CTNNA3: variants seen among roughly 807,000 people sequenced by gnomAD.
CTNNA3 encodes catenin alpha-3.
A neutral mutation model predicts 95.7 loss-of-function variants in CTNNA3; 76 were observed. That is an observed-to-expected ratio of 0.79 (90% CI 0.66 to 0.96). CTNNA3 has a LOEUF of 0.96. CTNNA3 is among the 40% of genes least tolerant of loss of function. The pLI is 0.00. For synonymous variants in CTNNA3, 431 were observed against 374.4 expected (o/e 1.15, Z -1.74); for missense variants, 1,191 against 1,089.8 (o/e 1.09, Z -1.31).
At chr10:67,006,740 G>A (rs2133016143) in intron 7 of CTNNA3, among the ~76,000 whole-genome samples, 1 of 152,122 alleles carries the variant, frequency 6.6e-6, no homozygotes. Context: ...ATCTTTGAAT[G>A]TTCAAATTCT....
intron 6 of CTNNA3, among the ~76,000 whole-genome samples, chr10:67,200,650 C>T (rs1863604826): frequency 6.6e-6 from 1 of 152,160 alleles, no homozygotes; most frequent in African/African-American, 2.4e-5. Flanking sequence ...CAAGCCATGA[C>T]CTGCAAAGAT....
intron 5 of CTNNA3, among the ~76,000 whole-genome samples, chr10:67,506,537 G>C (rs1290501590): frequency 6.6e-6 from 1 of 152,144 alleles, no homozygotes; most frequent in East Asian, 1.9e-4. Context: ...TCTACAAAAG[G>C]CTGCATGACT....
chr10:67,630,975 G>A (rs1235695879), intron 2 of CTNNA3, among the ~76,000 whole-genome samples: 1 of 152,156 alleles, frequency 6.6e-6, no homozygotes, highest in Non-Finnish European at 1.5e-5. Context: ...TATAATGACT[G>A]TAGCATGATC....
At chr10:67,664,619 G>C (rs1253102439) in intron 1 of CTNNA3, among the ~76,000 whole-genome samples, 2 of 151,536 alleles carry the variant, frequency 1.3e-5, no homozygotes, top group African/African-American at 4.9e-5. Context: ...TCCCACACTT[G>C]TTTTCTTTCT....
At chr10:66,925,493 T>C (rs771290585) in intron 7 of CTNNA3, among the ~76,000 whole-genome samples, 5 of 152,168 alleles carry the variant, frequency 3.3e-5, no homozygotes, top group Non-Finnish European at 7.3e-5. Context: ...ATCAATTATA[T>C]CGTCTGTGAG....
rs2077026243 is a variant in CTNNA3, at chr10:65,917,860, G to A, written c.*2470C>T. 2 of 152,104 alleles carry A rather than the reference G, an allele frequency of 1.3e-5. No homozygotes were observed. Among genetic ancestry groups the A allele is most frequent in the African/African-American group, 2.4e-5 (1 of 41,422 alleles). The allele number at this position is 152,104 out of a possible 1,614,324, so 9.4% of individuals were successfully genotyped here. On this transcript the variant is annotated 3_prime_UTR_variant, in exon 18 of 18. Transcript: ENST00000433211. ...TGCTGCTAGTTTTTCTTGCATATAA[G>A]CATTTGTTTTATCAGCAGGTTTGAA...
At chr10:66,638,698 G>C (rs534287304) in intron 9 of CTNNA3, among the ~76,000 whole-genome samples, 1 of 152,084 alleles carries the variant, frequency 6.6e-6, no homozygotes, top group African/African-American at 2.4e-5. Flanking sequence ...GTACTGCTGT[G>C]ATCACAGCTG....
At chr10:66,106,202 C>T (rs1213488270) in intron 13 of CTNNA3, among the ~76,000 whole-genome samples, 2 of 143,282 alleles carry the variant, frequency 1.4e-5, no homozygotes, top group Non-Finnish European at 3.0e-5. Flanking sequence ...AGTGAAACTC[C>T]ATCTCAAAAA....
chr10:66,360,661 TCC>T (rs879259244), intron 12 of CTNNA3, among the ~76,000 whole-genome samples: 2,023 of 33,384 alleles, frequency 0.061, 109 homozygotes, highest in Non-Finnish European at 0.075. Context: ...CTTTCTTTCT[TCC>T]TTCCTTCCTT....
At chr10:67,642,810 G>GCTTA (rs1839581565) in intron 2 of CTNNA3, among the ~76,000 whole-genome samples, 1 of 152,076 alleles carries the variant, frequency 6.6e-6, no homozygotes, top group Non-Finnish European at 1.5e-5. Flanking sequence ...TTATTAAAAA[G>GCTTA]TCAAAAAACA....
chr10:67,083,083 C>A (rs946073263), intron 7 of CTNNA3, among the ~76,000 whole-genome samples: 4 of 152,138 alleles, frequency 2.6e-5, no homozygotes, highest in African/African-American at 4.8e-5. Context: ...ATCAGGGGAC[C>A]AGTGAGCATC....
At chr10:67,696,473 A>G (rs1204419984), upstream of CTNNA3, among the ~76,000 whole-genome samples, 1 of 152,212 alleles carries the variant, frequency 6.6e-6, no homozygotes, top group Non-Finnish European at 1.5e-5. Flanking sequence ...TCACATCAAA[A>G]GATCAATTAT....
At chr10:66,971,358 G>A (rs749494877) in intron 7 of CTNNA3, among the ~76,000 whole-genome samples, 2 of 152,054 alleles carry the variant, frequency 1.3e-5, no homozygotes, top group African/African-American at 4.8e-5. Context: ...CCCGGGAGGC[G>A]GAGGTTGCAG....
At chr10:66,256,014 C>T (rs2090756768) in intron 13 of CTNNA3, among the ~76,000 whole-genome samples, 1 of 152,120 alleles carries the variant, frequency 6.6e-6, no homozygotes, top group Admixed American at 6.6e-5. Flanking sequence ...ATAATATAGC[C>T]AGGGAAGAAG....
chr10:67,637,421 C>T (rs1278444838), intron 2 of CTNNA3, among the ~76,000 whole-genome samples: 1 of 152,262 alleles, frequency 6.6e-6, no homozygotes, highest in South Asian at 2.1e-4. Flanking sequence ...CAGAATGGAA[C>T]CAAGTTGGAA....
At chr10:67,591,534 T>C (rs1842786920) in intron 3 of CTNNA3, among the ~76,000 whole-genome samples, 1 of 152,036 alleles carries the variant, frequency 6.6e-6, no homozygotes, top group African/African-American at 2.4e-5. Context: ...TTGAACCAAG[T>C]AATATAATAA....
intron 15 of CTNNA3, among the ~76,000 whole-genome samples, chr10:66,042,202 C>G (rs575595929): frequency 6.6e-6 from 1 of 152,306 alleles, no homozygotes; most frequent in East Asian, 1.9e-4. Flanking sequence ...ATGACATCCG[C>G]TCTCAACCCA....
At chr10:66,564,169 C>T (rs540829762) in intron 10 of CTNNA3, among the ~76,000 whole-genome samples, 13 of 152,202 alleles carry the variant, frequency 8.5e-5, no homozygotes, top group African/African-American at 1.7e-4. Context: ...CAGTTTTATG[C>T]GCTTATAATA....
intron 2 of CTNNA3, among the ~76,000 whole-genome samples, chr10:67,611,928 G>C (rs566708182): frequency 1.6e-4 from 25 of 152,116 alleles, no homozygotes; most frequent in African/African-American, 4.8e-4. Context: ...AATTAGAAGG[G>C]TAGAAAAATA....
Sources: allele counts gnomAD v4.1 joint callset (sites outside exome capture counted in the v4.1 genomes callset), GRCh38; gene constraint gnomAD v4.1.1; transcripts MANE v1.5; gene names NCBI Gene and HGNC (gene_info 2026-07-23, HGNC 2026-07-21).